The following COA1 variants were observed in gnomAD, a reference collection of about 807,000 sequenced individuals.
COA1 encodes cytochrome c oxidase assembly factor 1.
Under a neutral mutation model 16.0 loss-of-function variants are expected in COA1, and 13 were observed. The observed-to-expected ratio is 0.81, with a 90% confidence interval of 0.53 to 1.29. The LOEUF (loss-of-function observed/expected upper bound fraction) is 1.29, where lower values mean the gene tolerates loss of function less well. Among genes scored for constraint, COA1 ranks in the 50% most tolerant of loss-of-function variants. COA1 has a pLI of 0.00. For synonymous variants in COA1, 65 were observed against 65.7 expected, an observed-to-expected ratio of 0.99 and a Z score of 0.05; for missense variants, 179 against 177.0, an observed-to-expected ratio of 1.01 and a Z score of -0.06.
intron 3 of COA1, chr7:43,647,192 C>T (rs2089573679): frequency 5.7e-6 from 2 of 351,446 alleles, no homozygotes; most frequent in Admixed American, 4.3e-5. Flanking sequence ...CTTTCCCCAC[C>T]TGTGAACCAT....
chr7:43,616,680 G>A (rs1422138242), intron 6 of COA1, among the ~76,000 whole-genome samples: 4 of 152,192 alleles, frequency 2.6e-5, no homozygotes, highest in East Asian at 1.9e-4. Flanking sequence ...GGCGGATCAC[G>A]AGGTCAGGAG....
In COA1 at chr7:43,671,829, G is replaced by A. The variant is rs770424861; in HGVS notation, c.-38-23177C>T. ...CATGAGATCTGGTGGTTTTATAAGC[G>A]TCTGCCATTTCCACTGCTTGCACTC... On this transcript the variant is annotated intron_variant, in intron 1 of 5. Transcript: ENST00000223336. Among the ~76,000 whole-genome samples the A allele has an allele frequency of 3.6e-4, 55 of 151,956 alleles. 1 individual carries two copies. The highest frequency in any genetic ancestry group is 9.2e-4 in the Admixed American group (14 of 15,258).
intron 1 of COA1, among the ~76,000 whole-genome samples, chr7:43,681,776 AT>A (rs2093779751): frequency 1.3e-5 from 2 of 152,184 alleles, no homozygotes; most frequent in African/African-American, 4.8e-5. Context: ...TTCTCATATT[AT>A]GAGAATTCAT....
At chr7:43,710,911 C>A (rs1025872854) in intron 1 of COA1, among the ~76,000 whole-genome samples, 2 of 152,146 alleles carry the variant, frequency 1.3e-5, no homozygotes, top group African/African-American at 4.8e-5. Context: ...TAAGCAGCTG[C>A]CAGGGTTTCA....
At chr7:43,641,589 A>C (rs1327438025) in intron 4 of COA1, 1 of 152,208 alleles carries the variant, frequency 6.6e-6, no homozygotes, top group Non-Finnish European at 1.5e-5. Flanking sequence ...TATTGCCAGG[A>C]AATTGGTACA....
intron 1 of COA1, among the ~76,000 whole-genome samples, chr7:43,691,419 GAAAAAGAAAGAAAGAAAGA>G (rs1223636510): frequency 1.2e-4 from 10 of 82,270 alleles, no homozygotes; most frequent in Middle Eastern, 5.5e-3. Context: ...AAGGAAGAAA[GAAAAAGAAAGAAAGAAAGA>G]AAGAAAGAAA....
At chr7:43,686,964 C>G (rs1388450619) in intron 1 of COA1, among the ~76,000 whole-genome samples, 3 of 152,236 alleles carry the variant, frequency 2.0e-5, no homozygotes, top group Non-Finnish European at 4.4e-5. Context: ...TTTAGAGCCT[C>G]TGGCCTCTAA....
chr7:43,620,911 TGAGGG>T (rs1224793191), intron 6 of COA1, among the ~76,000 whole-genome samples: 1 of 152,054 alleles, frequency 6.6e-6, no homozygotes, highest in East Asian at 1.9e-4. Flanking sequence ...GGCCTGGGCC[TGAGGG>T]AAGACTCTGT....
In COA1 at chr7:43,729,459, G is replaced by C. The variant is rs547836376; in HGVS notation, c.-69C>G. 2.0e-5 allele frequency: 3 copies of C among 152,302 alleles called. No homozygotes were observed. Among genetic ancestry groups the C allele is most frequent in the African/African-American group, 7.2e-5 (3 of 41,460 alleles). 9.4% of individuals were successfully genotyped at this position (152,302 alleles called of 1,614,324 possible). A position where few individuals can be genotyped will look rare whatever the true frequency, so the allele number is the denominator to read the frequency against. On this transcript the variant is annotated 5_prime_UTR_variant, in exon 1 of 6. Coordinates refer to ENST00000223336, the MANE Select transcript of COA1 (RefSeq NM_018224.4). Reference sequence around the variant, plus strand: ...AGCAACAGAAGCACCACGCTACAAAGAGCATGACGAGTTCTTCCAGGCTTG... The same window carrying C: ...AGCAACAGAAGCACCACGCTACAAACAGCATGACGAGTTCTTCCAGGCTTG...
chr7:43,627,681 C>T (rs1048149199), intron 6 of COA1, among the ~76,000 whole-genome samples: 1 of 152,192 alleles, frequency 6.6e-6, no homozygotes, highest in Non-Finnish European at 1.5e-5. Flanking sequence ...ATTTAAAAAG[C>T]TAGATTGAAC....
chr7:43,667,282 CT>C (rs1203880965), intron 1 of COA1, among the ~76,000 whole-genome samples: 3 of 152,090 alleles, frequency 2.0e-5, no homozygotes, highest in Admixed American at 1.3e-4. Flanking sequence ...TGATGCCTGG[CT>C]TTTTGGATGG....
At chr7:43,699,720 T>C (rs933024289) in intron 1 of COA1, among the ~76,000 whole-genome samples, 5 of 152,198 alleles carry the variant, frequency 3.3e-5, no homozygotes, top group Admixed American at 2.6e-4. Context: ...CTAATTAGCA[T>C]ATCATCAACA....
chr7:43,620,567 G>A (rs10246823), intron 6 of COA1, among the ~76,000 whole-genome samples: 22,271 of 151,924 alleles, frequency 0.15, 2,169 homozygotes, highest in Non-Finnish European at 0.21. Context: ...CCAGCTACTC[G>A]GGAGGCTGAG....
In COA1 at chr7:43,701,828, ATAAT is replaced by A. The variant is rs2094754857; in HGVS notation, c.-39+27597_-39+27600del. Among the ~76,000 whole-genome samples, 4 of 152,156 alleles carry A rather than the reference ATAAT, an allele frequency of 2.6e-5. No individual in the cohort carries two copies. The South Asian group carries it at 8.3e-4, about 32-fold the overall frequency. ...TGTAGTTTTCATTTGCATTTCTCTA[ATAAT>A]TAGTGATAGTGAGCATTTTTTCATG... On this transcript the variant is annotated intron_variant, in intron 1 of 5. Transcript: ENST00000223336.
intron 1 of COA1, among the ~76,000 whole-genome samples, chr7:43,690,676 T>C (rs576145507): frequency 1.6e-3 from 239 of 152,006 alleles, no homozygotes; most frequent in African/African-American, 5.4e-3. Context: ...CAAAAACCTA[T>C]TGAAATAGAA....
intron 1 of COA1, among the ~76,000 whole-genome samples, chr7:43,674,360 G>C (rs1276047657): frequency 6.6e-6 from 1 of 152,088 alleles, no homozygotes; most frequent in Non-Finnish European, 1.5e-5. Context: ...GTGTTATATT[G>C]TCCTGTTTGC....
chr7:43,638,043 A>AAAAG (rs1399733424), downstream of COA1, among the ~76,000 whole-genome samples: 1 of 151,068 alleles, frequency 6.6e-6, no homozygotes, highest in East Asian at 1.9e-4. Flanking sequence ...CATTTATTTT[A>AAAAG]AAAGACTGTA....
chr7:43,644,827 G>GAGAT (rs2088762919), intron 4 of COA1, among the ~76,000 whole-genome samples: 1 of 150,588 alleles, frequency 6.6e-6, no homozygotes, highest in Non-Finnish European at 1.5e-5. Context: ...GAGAGAGAGA[G>GAGAT]AGAGAGACAG....
Position 43,639,481 on chromosome 7 carries a change from G to T in COA1, c.*101C>A. On this transcript the variant is annotated 3_prime_UTR_variant, in exon 6 of 6. Coordinates refer to ENST00000223336, the MANE Select transcript of COA1 (RefSeq NM_018224.4). ...CCACTGGTGGCTGGAAAACTGGGTT[G>T]CAGGAGTGTCTGTCACTGAGATGGG... 1.1e-6 allele frequency: 1 copy of T among 882,826 alleles called. No individual in the cohort carries two copies. Among genetic ancestry groups the T allele is most frequent in the Non-Finnish European group, 1.9e-6 (1 of 538,618 alleles). 54.7% of individuals were successfully genotyped at this position (882,826 alleles called of 1,614,324 possible).
Sources: allele counts gnomAD v4.1 joint callset (sites outside exome capture counted in the v4.1 genomes callset), GRCh38; gene constraint gnomAD v4.1.1; transcripts MANE v1.5; gene names NCBI Gene and HGNC (gene_info 2026-07-23, HGNC 2026-07-21).